The following SHOC2 variants were observed in gnomAD, a reference collection of about 807,000 sequenced individuals.
SHOC2 encodes the protein leucine-rich repeat protein SHOC-2.
A neutral mutation model predicts 50.2 loss-of-function variants in SHOC2; 4 were observed. That is an observed-to-expected ratio of 0.08 (90% confidence interval 0.04 to 0.18). The LOEUF (loss-of-function observed/expected upper bound fraction) is 0.18, where lower values mean the gene tolerates loss of function less well. SHOC2 is among the 10% of genes least tolerant of loss of function. The pLI is 1.00. For missense variants in SHOC2, 388 were observed against 669.6 expected (o/e 0.58, Z 4.64); for synonymous variants, 218 against 244.5 (o/e 0.89, Z 1.01).
intron 2 of SHOC2, among the ~76,000 whole-genome samples, chr10:110,980,143 A>G (rs1233489156): frequency 6.8e-6 from 1 of 146,472 alleles, no homozygotes; most frequent in Non-Finnish European, 1.5e-5. Flanking sequence ...GCGTTGTTCT[A>G]CCCCATTCCT....
intron 3 of SHOC2, among the ~76,000 whole-genome samples, chr10:110,986,517 A>T (rs1848079796): frequency 6.6e-6 from 1 of 152,108 alleles, no homozygotes. Flanking sequence ...TCTGCCTCTC[A>T]GGCTGGAGTG....
intron 2 of SHOC2, among the ~76,000 whole-genome samples, chr10:110,970,697 C>G (rs757704837): frequency 6.8e-6 from 1 of 146,678 alleles, no homozygotes; most frequent in Non-Finnish European, 1.5e-5. Context: ...TCACCAGTAT[C>G]TATCTGTTTT....
At chr10:110,954,565 C>G (rs940900926) in intron 1 of SHOC2, among the ~76,000 whole-genome samples, 1 of 152,122 alleles carries the variant, frequency 6.6e-6, no homozygotes, top group Non-Finnish European at 1.5e-5. Context: ...AAGATGCTAA[C>G]AGTATATTTG....
At chr10:110,989,361 C>G (rs1336092044) in intron 3 of SHOC2, among the ~76,000 whole-genome samples, 2 of 152,176 alleles carry the variant, frequency 1.3e-5, no homozygotes, top group African/African-American at 4.8e-5. Context: ...TATCAGCAGT[C>G]CTGTTGCCAT....
intron 1 of SHOC2, among the ~76,000 whole-genome samples, chr10:110,929,973 T>C (rs138783298): frequency 6.6e-6 from 1 of 152,188 alleles, no homozygotes. Context: ...CCTTTCAATA[T>C]CTTGAGTAAC....
chr10:110,957,533 C>A (rs892338735), intron 1 of SHOC2, among the ~76,000 whole-genome samples: 2 of 96,550 alleles, frequency 2.1e-5, no homozygotes, highest in Non-Finnish European at 3.8e-5. Context: ...CATGAAGATA[C>A]CCCCCCCCCA....
At chr10:110,938,525 T>C (rs1434877225) in intron 1 of SHOC2, among the ~76,000 whole-genome samples, 2 of 152,162 alleles carry the variant, frequency 1.3e-5, no homozygotes, top group African/African-American at 2.4e-5. Flanking sequence ...TGTTTACTAC[T>C]AAATAAGTGT....
intron 1 of SHOC2, among the ~76,000 whole-genome samples, chr10:110,931,111 T>A (rs953058915): frequency 5.3e-5 from 8 of 152,148 alleles, no homozygotes; most frequent in Non-Finnish European, 7.4e-5. Flanking sequence ...CTATATAAAA[T>A]AAATCAGTCC....
At position 110,921,804 on chromosome 10, in the gene SHOC2, C is replaced by T. The variant is rs555703114; in HGVS notation, c.-235+2147C>T. On this transcript the variant is annotated intron_variant, in intron 1 of 8. Coordinates refer to ENST00000369452, the MANE Select transcript of SHOC2 (RefSeq NM_007373.4). ...TTTTTTTATATCCATTAACCATCCCCACATTCCCCCTTCAGTTTTTGAGGA... is the reference window on the plus strand; with the variant it reads ...TTTTTTTATATCCATTAACCATCCCTACATTCCCCCTTCAGTTTTTGAGGA... 1.9e-3 allele frequency among the ~76,000 whole-genome samples: 286 copies of T among 152,196 alleles called. 2 individuals carry two copies. Among genetic ancestry groups the T allele is most frequent in the Middle Eastern group, 3.4e-3 (1 of 292 alleles).
intron 2 of SHOC2, among the ~76,000 whole-genome samples, chr10:110,985,131 A>G (rs1848054165): frequency 6.6e-6 from 1 of 152,210 alleles, no homozygotes. Context: ...AACTTTTAAG[A>G]TAATATTTTA....
chr10:110,932,960 A>G (rs529170127), intron 1 of SHOC2, among the ~76,000 whole-genome samples: 2 of 152,340 alleles, frequency 1.3e-5, no homozygotes, highest in South Asian at 4.1e-4. Flanking sequence ...CTTGTTTTAC[A>G]ACTTTAGAGT....
intron 1 of SHOC2, among the ~76,000 whole-genome samples, chr10:110,931,880 G>C (rs1846902174): frequency 6.6e-6 from 1 of 152,096 alleles, no homozygotes; most frequent in Admixed American, 6.6e-5. Flanking sequence ...CTGTGAAAAA[G>C]GCAGAAGGGT....
intron 1 of SHOC2, among the ~76,000 whole-genome samples, chr10:110,937,727 A>G (rs192804054): frequency 1.5e-3 from 229 of 152,362 alleles, no homozygotes; most frequent in African/African-American, 5.1e-3. Flanking sequence ...TAGTTCATTT[A>G]CAGAGGCTCT....
chr10:110,974,291 TATATG>T (rs1303968724), intron 2 of SHOC2, among the ~76,000 whole-genome samples: 1 of 152,088 alleles, frequency 6.6e-6, no homozygotes, highest in African/African-American at 2.4e-5. Context: ...AGTTTCCAAA[TATATG>T]AGAGAGATTT....
In SHOC2 at chr10:111,000,407, G is replaced by A. The variant is rs752175930; in HGVS notation, c.842-8G>A. 8.1e-6 allele frequency: 13 copies of A among 1,613,360 alleles called. No individual in the cohort carries two copies. The highest frequency in any genetic ancestry group is 1.1e-5 in the Non-Finnish European group (13 of 1,179,644). On this transcript the variant is annotated splice_region_variant and splice_polypyrimidine_tract_variant and intron_variant, in intron 3 of 8. Transcript: ENST00000369452. ...AAAATAAATTTCTTTTTTTGTGTGT[G>A]TTTACAGGAAACCTGTCCAGTTTAA...
In SHOC2 at chr10:111,009,286, C is replaced by G; in HGVS notation, c.1323C>G (p.Pro441=). 1 of 1,589,956 alleles carries G rather than the reference C, an allele frequency of 6.3e-7. No individual in the cohort carries two copies. The highest frequency in any genetic ancestry group is 8.6e-7 in the Non-Finnish European group (1 of 1,158,638). The stretch of plus-strand genomic sequence containing the variant: ...CAAACAATCTTCTAAAGAAGCTTCC[C>G]CATGGTCTTGGAAACCTTAGGAAGT... The part of the protein sequence containing the change: ...ILSNNLLKKL[P]HGLGNLRKLR... Residue 441 remains proline, a synonymous_variant, in exon 7 of 9, where the codon CCC becomes CCG. Coordinates refer to ENST00000369452, the MANE Select transcript of SHOC2 (RefSeq NM_007373.4).
chr10:111,001,352 A>C (rs1464860915), intron 4 of SHOC2, among the ~76,000 whole-genome samples: 1 of 151,890 alleles, frequency 6.6e-6, no homozygotes, highest in Non-Finnish European at 1.5e-5. Context: ...TGGGGGTTTC[A>C]CCATGTTGGC....
Position 111,011,580 on chromosome 10 carries a change from T to A in SHOC2, c.1541-30T>A, listed in dbSNP as rs537020203. On this transcript the variant is annotated intron_variant, in intron 8 of 8. Coordinates refer to ENST00000369452, the MANE Select transcript of SHOC2 (RefSeq NM_007373.4). Reference sequence around the variant, plus strand: ...AACTTTTAAAATAGCAACTAATTTTTAAAAAAAAATTGATTTTTTTTTTAA... The same window carrying A: ...AACTTTTAAAATAGCAACTAATTTTAAAAAAAAAATTGATTTTTTTTTTAA... The A allele has an allele frequency of 3.4e-4, 528 of 1,532,738 alleles. 3 individuals carry two copies. The South Asian group carries it at 5.1e-3, about 15-fold the overall frequency. 94.9% of individuals were successfully genotyped at this position (1,532,738 alleles called of 1,614,324 possible).
intron 3 of SHOC2, among the ~76,000 whole-genome samples, chr10:110,995,858 T>C (rs1848258618): frequency 6.6e-6 from 1 of 152,206 alleles, no homozygotes; most frequent in African/African-American, 2.4e-5. Flanking sequence ...TGCTTATCTT[T>C]TGTTCATTCT....
Sources: gnomAD v4.1 joint callset for allele counts (sites outside exome capture counted in the v4.1 genomes callset) on GRCh38, gnomAD v4.1.1 for gene constraint, MANE v1.5 for transcripts, NCBI Gene and HGNC (gene_info 2026-07-23, HGNC 2026-07-21) for gene names.